The following SNTG2 variants were observed in gnomAD, a reference collection of about 807,000 sequenced individuals.
The protein encoded by SNTG2 is gamma-2-syntrophin.
SNTG2 carries 74 observed loss-of-function variants against 70.9 expected under a neutral mutation model. The observed-to-expected ratio is 1.04, with a 90% confidence interval of 0.86 to 1.27. The LOEUF (loss-of-function observed/expected upper bound fraction) is 1.27. Ranked by LOEUF, SNTG2 falls within the 50% of genes most tolerant of loss-of-function variation. The pLI is 0.00. For synonymous variants in SNTG2, 278 were observed against 273.8 expected, an observed-to-expected ratio of 1.02 and a Z score of -0.15; for missense variants, 717 against 690.7, an observed-to-expected ratio of 1.04 and a Z score of -0.43.
chr2:1,350,407 C>T (rs753156491), intron 16 of SNTG2, among the ~76,000 whole-genome samples: 3 of 152,224 alleles, frequency 2.0e-5, no homozygotes, highest in Admixed American at 6.5e-5. Context: ...CCCCGATACA[C>T]GTGCAAATGT....
rs35182823 is a variant in SNTG2, at chr2:1,137,502, G to GCA, written c.326-106_326-105dup. ...CACACATCTGCTCACGTGGACACAT[G>GCA]CACACACACACACACGTGGCCACTT... On this transcript the variant is annotated intron_variant, in intron 4 of 16. Coordinates refer to ENST00000308624, the MANE Select transcript of SNTG2 (RefSeq NM_018968.4). The GCA allele has an allele frequency of 5.2e-3, 4,148 of 795,406 alleles. 1 individual carries two copies. The highest frequency in any genetic ancestry group is 6.7e-3 in the Non-Finnish European group (3,312 of 494,760). 49.3% of individuals were successfully genotyped at this position (795,406 alleles called of 1,614,324 possible). A position where few individuals can be genotyped will look rare whatever the true frequency, so the allele number is the denominator to read the frequency against.
intron 15 of SNTG2, among the ~76,000 whole-genome samples, chr2:1,310,633 T>A (rs1464880700): frequency 6.6e-6 from 1 of 151,854 alleles, no homozygotes; most frequent in Non-Finnish European, 1.5e-5. Context: ...CCCCGGTGAG[T>A]TTCCTTTCTT....
intron 6 of SNTG2, among the ~76,000 whole-genome samples, chr2:1,162,408 G>A (rs1335500385): frequency 2.0e-5 from 3 of 152,212 alleles, no homozygotes; most frequent in African/African-American, 7.2e-5. Flanking sequence ...AGGGCAGCCT[G>A]TTTAAGGATG....
At chr2:1,243,011 T>C (rs940468053) in intron 11 of SNTG2, among the ~76,000 whole-genome samples, 1 of 152,252 alleles carries the variant, frequency 6.6e-6, no homozygotes, top group African/African-American at 2.4e-5. Context: ...ATTTATGAAC[T>C]GCATATACCT....
intron 13 of SNTG2, among the ~76,000 whole-genome samples, chr2:1,260,621 C>G (rs1364119594): frequency 6.6e-6 from 1 of 152,086 alleles, no homozygotes; most frequent in Non-Finnish European, 1.5e-5. Flanking sequence ...GATGGCTTTT[C>G]TAGTTATTGT....
At chr2:1,140,488 G>A (rs1296621372) in intron 6 of SNTG2, among the ~76,000 whole-genome samples, 1 of 152,186 alleles carries the variant, frequency 6.6e-6, no homozygotes, top group African/African-American at 2.4e-5. Flanking sequence ...CTCGGGGGCG[G>A]GCAGCAGGAG....
chr2:1,050,684 T>C (rs895326774), intron 1 of SNTG2, among the ~76,000 whole-genome samples: 1 of 152,184 alleles, frequency 6.6e-6, no homozygotes, highest in African/African-American at 2.4e-5. Context: ...CCTTTATGAA[T>C]TTTTATGACT....
At chr2:1,349,752 T>C (rs866948636) in intron 16 of SNTG2, among the ~76,000 whole-genome samples, 11 of 152,242 alleles carry the variant, frequency 7.2e-5, no homozygotes, top group Middle Eastern at 3.2e-3. Flanking sequence ...GTACTGTTTA[T>C]GCATGATTGC....
chr2:1,314,475 T>C (rs1443732843), intron 15 of SNTG2, among the ~76,000 whole-genome samples: 1 of 152,224 alleles, frequency 6.6e-6, no homozygotes, highest in Non-Finnish European at 1.5e-5. Flanking sequence ...GAAGAGGCTC[T>C]CCGGAGGCAG....
chr2:1,002,838 G>A (rs2147989357), intron 1 of SNTG2, among the ~76,000 whole-genome samples: 1 of 151,600 alleles, frequency 6.6e-6, no homozygotes, highest in Admixed American at 6.6e-5. Flanking sequence ...CAAATATCTA[G>A]AATCAATGTG....
chr2:1,119,979 A>C (rs908491529), intron 4 of SNTG2, among the ~76,000 whole-genome samples: 10 of 152,162 alleles, frequency 6.6e-5, no homozygotes, highest in Middle Eastern at 3.2e-3. Flanking sequence ...TACAAACAAC[A>C]AGAAAATGAG....
chr2:1,092,450 A>G (rs1451291927), intron 2 of SNTG2, among the ~76,000 whole-genome samples: 1 of 152,178 alleles, frequency 6.6e-6, no homozygotes, highest in African/African-American at 2.4e-5. Flanking sequence ...TTTTGGGCTG[A>G]ACAAACCTGG....
At chr2:1,188,990 A>G (rs1672414913) in intron 8 of SNTG2, among the ~76,000 whole-genome samples, 1 of 152,160 alleles carries the variant, frequency 6.6e-6, no homozygotes, top group South Asian at 2.1e-4. Context: ...ACACTATGAC[A>G]AGAAAAAACA....
intron 14 of SNTG2, among the ~76,000 whole-genome samples, chr2:1,288,922 C>G (rs1282264686): frequency 6.6e-6 from 1 of 152,150 alleles, no homozygotes; most frequent in Non-Finnish European, 1.5e-5. Context: ...TCATCCCCAG[C>G]CACACAAATC....
At chr2:1,078,969 T>A (rs918759942) in intron 1 of SNTG2, among the ~76,000 whole-genome samples, 2 of 152,254 alleles carry the variant, frequency 1.3e-5, no homozygotes, top group Non-Finnish European at 2.9e-5. Flanking sequence ...CTTTTGTTTT[T>A]AAATATTTTT....
chr2:1,149,978 G>A (rs71339719), intron 6 of SNTG2, among the ~76,000 whole-genome samples: 142,520 of 152,152 alleles, frequency 0.94, 66,878 homozygotes, highest in Non-Finnish European at 0.97. Flanking sequence ...CTGAGCCACC[G>A]CGCCCAGCTG....
chr2:1,318,303 G>C (rs999537654), intron 16 of SNTG2, among the ~76,000 whole-genome samples: 1 of 152,194 alleles, frequency 6.6e-6, no homozygotes, highest in Non-Finnish European at 1.5e-5. Flanking sequence ...TTCTCTGATG[G>C]AATTAATCTG....
At chr2:1,196,539 G>T (rs745375029) in intron 8 of SNTG2, among the ~76,000 whole-genome samples, 1 of 152,042 alleles carries the variant, frequency 6.6e-6, no homozygotes, top group Non-Finnish European at 1.5e-5. Context: ...TCACCAAACA[G>T]AATCAACCCA....
intron 6 of SNTG2, among the ~76,000 whole-genome samples, chr2:1,152,586 G>GCACATGTGCATGTGTGTA (rs1669583951): frequency 7.8e-6 from 1 of 127,912 alleles, no homozygotes; most frequent in Non-Finnish European, 1.6e-5. Context: ...ATGTGTGTGT[G>GCACATGTGCATGTGTGTA]TGCACATGTG....
Sources: allele counts gnomAD v4.1 joint callset (sites outside exome capture counted in the v4.1 genomes callset), GRCh38; gene constraint gnomAD v4.1.1; transcripts MANE v1.5; gene names NCBI Gene and HGNC (gene_info 2026-07-23, HGNC 2026-07-21).